TTN: variants seen among roughly 807,000 people sequenced by gnomAD.
The protein encoded by TTN is titin.
A neutral mutation model predicts 3,223.0 loss-of-function variants in TTN; 1,525 were observed. The ratio of observed to expected loss-of-function variants is 0.47; its 90% CI spans 0.45 to 0.49. TTN has a LOEUF of 0.49. Among genes scored for constraint, TTN ranks in the 20% least tolerant of loss-of-function variants. TTN has a pLI of 0.00. For missense variants in TTN, 40,786 were observed against 43,424.0 expected, an observed-to-expected ratio of 0.94 and a Z score of 5.40; for synonymous variants, 14,094 against 15,161.0, an observed-to-expected ratio of 0.93 and a Z score of 5.17.
Position 178,527,720 on chromosome 2 carries a change from T to G in TTN, c.107406A>C (p.Val35802=). 6.2e-7 allele frequency: 1 copy of G among 1,607,908 alleles called. No homozygotes were observed. The highest frequency in any genetic ancestry group is 8.5e-7 in the Non-Finnish European group (1 of 1,175,690). The change falls in exon 362 of 363, where the codon GTA becomes GTC. Residue 35802 remains valine, a synonymous_variant. Coordinates refer to ENST00000589042, the MANE Select transcript of TTN (RefSeq NM_001267550.2). ...TTGTGTCACCACTTGTTCTCAATAC[T>G]ACCTCTCTGGAAGGTTCTTCAACTA... ...LPLVEEPSRE[V]VLRTSGDTSL...
Position 178,759,136 on chromosome 2 carries a change from A to C in TTN, c.10151T>G (p.Ile3384Ser). 1 of 1,613,942 alleles carries C rather than the reference A, an allele frequency of 6.2e-7. No homozygotes were observed. Among genetic ancestry groups the C allele is most frequent in the Non-Finnish European group, 8.5e-7 (1 of 1,179,940 alleles). Reference sequence around the variant, plus strand: ...CATTCTAAAGAACCGAGATGGCTTGATTTTCTTGTCTTTGCTGTACCACGA... The same window carrying C: ...CATTCTAAAGAACCGAGATGGCTTGCTTTTCTTGTCTTTGCTGTACCACGA... ...KVSWYSKDKK[I>S]KPSRFFRMTQ... is the part of the protein sequence containing the mutation. The change falls in exon 44 of 363, where the codon ATC becomes AGC. Residue 3384 changes from isoleucine (I) to serine (S), a missense_variant. Coordinates refer to ENST00000589042, the MANE Select transcript of TTN (RefSeq NM_001267550.2).
chr2:178,635,813 A>G (rs2154229695), intron 226 of TTN, 98 bp from the exon 227 acceptor site: 1 of 1,516,982 alleles, frequency 6.6e-7, no homozygotes. Flanking sequence ...ATTTCACAAT[A>G]CTGGGCATAA....
At chr2:178,747,903 G>A in intron 47 of TTN, 1 of 1,613,090 alleles carries the variant, frequency 6.2e-7, no homozygotes, top group African/African-American at 1.3e-5. Flanking sequence ...ATCAAGAGTG[G>A]GAAGCACTGA....
intron 213 of TTN, 121 bp downstream of exon 213, chr2:178,649,127 C>CT (rs1414297241): frequency 2.6e-6 from 2 of 775,256 alleles, no homozygotes; most frequent in Non-Finnish European, 3.8e-6. Context: ...CATTATTTCC[C>CT]TTTTTTCTGT....
chr2:178,611,348 C>T (rs774789821), intron 269 of TTN, 24 bp downstream of exon 269: 1 of 1,611,390 alleles, frequency 6.2e-7, no homozygotes, highest in Admixed American at 1.7e-5. Context: ...ATTTTATTAA[C>T]TATAAAAGAC....
chr2:178,688,860 C>A, intron 125 of TTN, 82 bp from the exon 126 acceptor site: 1 of 1,204,924 alleles, frequency 8.3e-7, no homozygotes. Flanking sequence ...AAGAGTTGCA[C>A]AGTACACCAC....
Position 178,725,873 on chromosome 2 carries a change from T to C in TTN, c.20449A>G (p.Ser6817Gly). ...YKIASKNFHT[S>G]IHILNVDTSD... Reference sequence around the variant, plus strand: ...GTGTCCACATTGAGAATGTGAATACTTGTGTGGAAGTTTTTGGATGCAATC... The same window carrying C: ...GTGTCCACATTGAGAATGTGAATACCTGTGTGGAAGTTTTTGGATGCAATC... Residue 6817 changes from serine to glycine, a missense_variant, in exon 70 of 363, where the codon AGT becomes GGT. Coordinates refer to ENST00000589042, the MANE Select transcript of TTN (RefSeq NM_001267550.2). 1 of 1,613,280 alleles carries C rather than the reference T, an allele frequency of 6.2e-7. No individual in the cohort carries two copies. Among genetic ancestry groups the C allele is most frequent in the Non-Finnish European group, 8.5e-7 (1 of 1,179,504 alleles).
At position 178,593,960 on chromosome 2, in the gene TTN, CCAA is replaced by C. The variant is rs1196976994; in HGVS notation, c.58430_58432del (p.Val19477del). On this transcript the variant is annotated inframe_deletion and splice_region_variant, in exon 297 of 363. Coordinates refer to ENST00000589042, the MANE Select transcript of TTN (RefSeq NM_001267550.2). ...TATTCTTTCCACTAAATAAGACTTACCAACAACATTAACTTGACAGAAACCTTT... is the reference window on the plus strand; with the variant it reads ...TATTCTTTCCACTAAATAAGACTTACCAACATTAACTTGACAGAAACCTTT... 1.1e-5 allele frequency: 18 copies of C among 1,613,102 alleles called. No homozygotes were observed. Among genetic ancestry groups the C allele is most frequent in the African/African-American group, 4.0e-5 (3 of 74,880 alleles).
At chr2:178,689,003 ATTTTTTTTTTTTTTT>A (rs35770337) in intron 125 of TTN, 35 bp downstream of exon 125, 1 of 1,005,942 alleles carries the variant, frequency 9.9e-7, no homozygotes, top group African/African-American at 2.2e-5. Flanking sequence ...ACACTCGAAG[ATTTTTTTTTTTTTTT>A]TTTTTTTTTG....
At position 178,804,655 on chromosome 2, in the gene TTN, T is replaced by C; in HGVS notation, c.-13A>G. ...CTTGAGTTGTCATCTTTCTAGGCAC[T>C]CTGAAAAAGAAGAGAAAATAAATTA... On this transcript the variant is annotated splice_region_variant and 5_prime_UTR_variant, in exon 2 of 363. Coordinates refer to ENST00000589042, the MANE Select transcript of TTN (RefSeq NM_001267550.2). 2 of 1,613,372 alleles carry C rather than the reference T, an allele frequency of 1.2e-6. No individual in the cohort carries two copies. The highest frequency in any genetic ancestry group is 1.7e-6 in the Non-Finnish European group (2 of 1,179,660).
rs1314963445 is a variant in TTN, at chr2:178,612,306, T to C, written c.50219A>G (p.Glu16740Gly). ...GGTGTCTTTGGCCAGCACAGAGTCC[T>C]CAATTTCGGTGTAGTCGCTTTGTCC... is the stretch of plus-strand genomic sequence containing the variant. ...AIGQSDYTEIEDSVLAKDTFT... is the reference protein window; with the variant it reads ...AIGQSDYTEIGDSVLAKDTFT... Residue 16740 changes from glutamate (E) to glycine (G), a missense_variant, in exon 266 of 363, where the codon GAG becomes GGG. Coordinates refer to ENST00000589042, the MANE Select transcript of TTN (RefSeq NM_001267550.2). 1 of 1,612,458 alleles carries C rather than the reference T, an allele frequency of 6.2e-7. No individual in the cohort carries two copies. Among genetic ancestry groups the C allele is most frequent in the African/African-American group, 1.3e-5 (1 of 74,822 alleles).
chr2:178,725,998 T>C lies in TTN; in HGVS notation c.20324A>G (p.Asn6775Ser). 6.3e-7 allele frequency: 1 copy of C among 1,595,860 alleles called. No homozygotes were observed. Among genetic ancestry groups the C allele is most frequent in the South Asian group, 1.1e-5 (1 of 87,872 alleles). The change falls in exon 70 of 363, where the codon AAT (asparagine) becomes AGT (serine). Residue 6775 changes from asparagine to serine, a missense_variant. Asn to Ser is a conservative substitution (Grantham distance 46, BLOSUM62 1). Coordinates refer to ENST00000589042, the MANE Select transcript of TTN (RefSeq NM_001267550.2). ...TTCACATTCAAGACTGACTTCAGCA[T>C]TTTTAAGGGTTTCTACTATAGGAGG... ...SFPPIVETLK[N>S]AEVSLECELS... is the part of the protein sequence containing the mutation.
In TTN at chr2:178,604,444, G is replaced by C; in HGVS notation, c.54382-139C>G. ...TAGACTCAAAACATGGGAAGACAGAGAAAAGGAGAAAGCTTTTTTTAAAAT... is the reference window on the plus strand; with the variant it reads ...TAGACTCAAAACATGGGAAGACAGACAAAAGGAGAAAGCTTTTTTTAAAAT... On this transcript the variant is annotated intron_variant, in intron 281 of 362. Coordinates refer to ENST00000589042, the MANE Select transcript of TTN (RefSeq NM_001267550.2). The C allele has an allele frequency of 2.6e-5, 20 of 783,402 alleles. 4 individuals carry two copies. In the South Asian group the frequency reaches 6.7e-4, roughly 26 times the overall value. 48.5% of individuals were successfully genotyped at this position (783,402 alleles called of 1,614,324 possible).
In TTN at chr2:178,634,694, C is replaced by T. The variant is rs747270918; in HGVS notation, c.42151+29G>A. ...ACAGGGAAGTGAAATAAAGTTGAGACCCCTCCCCAAATTCTAAAAGCCCCA... is the reference window on the plus strand; with the variant it reads ...ACAGGGAAGTGAAATAAAGTTGAGATCCCTCCCCAAATTCTAAAAGCCCCA... On this transcript the variant is annotated intron_variant, in intron 229 of 362. Transcript: ENST00000589042. This position sits in a 1 kb window ranked among gnomAD's most constrained non-coding sequence, Gnocchi z 4.6. 1 of 1,612,346 alleles carries T rather than the reference C, an allele frequency of 6.2e-7. No individual in the cohort carries two copies. Among genetic ancestry groups the T allele is most frequent in the Non-Finnish European group, 8.5e-7 (1 of 1,179,264 alleles).
Position 178,530,953 on chromosome 2 carries a change from G to T in TTN, c.105662C>A (p.Ala35221Asp), listed in dbSNP as rs1558992011. 3 of 1,613,938 alleles carry T rather than the reference G, an allele frequency of 1.9e-6. No individual in the cohort carries two copies. Among genetic ancestry groups the T allele is most frequent in the East Asian group, 4.5e-5 (2 of 44,878 alleles). Residue 35221 changes from alanine (A) to aspartate (D), a missense_variant, in exon 358 of 363, where the codon GCC (alanine) becomes GAC (aspartate). By Grantham distance (126) the Ala-to-Asp change is moderately radical. Transcript: ENST00000589042. ...EAEFTLTIQKARVTEKAVTSP... is the reference protein window; with the variant it reads ...EAEFTLTIQKDRVTEKAVTSP... ...TGTCACAGCCTTTTCAGTTACCCTGGCCTTTTGAATAGTCAGAGTGAACTC... is the reference window on the plus strand; with the variant it reads ...TGTCACAGCCTTTTCAGTTACCCTGTCCTTTTGAATAGTCAGAGTGAACTC...
At chr2:178,676,894 A>G (rs532019944) in intron 147 of TTN, among the ~76,000 whole-genome samples, 1 of 151,792 alleles carries the variant, frequency 6.6e-6, no homozygotes, top group South Asian at 2.1e-4. Context: ...ACATTTAAAT[A>G]TATAGTATAC....
At chr2:178,613,967 A>G (rs755873618) in intron 262 of TTN, 30 bp from the exon 263 acceptor site, 1 of 1,607,822 alleles carries the variant, frequency 6.2e-7, no homozygotes, top group Admixed American at 1.7e-5. Flanking sequence ...GTAAAATGTT[A>G]TATGTCCTGT....
rs752414987 is a variant in TTN at position 178,583,172 on chromosome 2, A to G, written c.65631T>C (p.Ala21877=). 1 of 1,611,776 alleles carries G rather than the reference A, an allele frequency of 6.2e-7. No individual in the cohort carries two copies. The highest frequency in any genetic ancestry group is 8.5e-7 in the Non-Finnish European group (1 of 1,178,614). The change falls in exon 313 of 363, where the codon GCT becomes GCC. Residue 21877 remains alanine, a synonymous_variant. Transcript: ENST00000589042. The part of the protein sequence containing the change: ...VAMKSLLTVK[A]GTNVCLDATV... ...TAGCATCCAAGCAGACATTAGTTCCAGCTTTCACAGTAAGCAAAGATTTCA... is the reference window on the plus strand; with the variant it reads ...TAGCATCCAAGCAGACATTAGTTCCGGCTTTCACAGTAAGCAAAGATTTCA...
intron 255 of TTN, 51 bp downstream of exon 255, chr2:178,617,069 C>T: frequency 1.2e-6 from 2 of 1,610,822 alleles, no homozygotes; most frequent in Non-Finnish European, 1.7e-6. Context: ...CCCTGTTGCC[C>T]CAAAGTAGCT....
Sources: gnomAD v4.1 joint callset for allele counts (sites outside exome capture counted in the v4.1 genomes callset) on GRCh38, gnomAD v4.1.1 for gene constraint, Gnocchi (gnomAD v3.1) non-coding constraint, MANE v1.5 for transcripts, NCBI Gene and HGNC (gene_info 2026-07-23, HGNC 2026-07-21) for gene names.